IL7: variants seen among roughly 807,000 people sequenced by gnomAD.
The protein encoded by IL7 is interleukin 7, also known as interleukin-7.
In IL7, 3 loss-of-function variants were observed where a neutral mutation model predicts 21.6. The observed-to-expected ratio is 0.14, with a 90% CI of 0.06 to 0.36. IL7 has a LOEUF of 0.36. Ranked by LOEUF, IL7 falls within the 10% of genes least tolerant of loss-of-function variation. The pLI, the probability that IL7 is intolerant of heterozygous loss-of-function variation, is 1.00. For missense variants in IL7, 175 were observed against 200.2 expected, an observed-to-expected ratio of 0.87 and a Z score of 0.76; for synonymous variants, 62 against 68.1, an observed-to-expected ratio of 0.91 and a Z score of 0.44.
chr8:78,675,729 G>A (rs1809556995), downstream of IL7: 2 of 1,424,258 alleles, frequency 1.4e-6, no homozygotes, highest in East Asian at 4.7e-5. Context: ...ACATTAAAAT[G>A]TGAAGTTTCA....
intron 3 of IL7, among the ~76,000 whole-genome samples, chr8:78,726,254 C>A (rs879725911): frequency 6.6e-6 from 1 of 151,848 alleles, no homozygotes; most frequent in Admixed American, 6.6e-5. Flanking sequence ...TTTCCTTTAA[C>A]ATTTAGTGCT....
chr8:78,774,498 G>A (rs966389120), intron 2 of IL7, among the ~76,000 whole-genome samples: 1 of 151,960 alleles, frequency 6.6e-6, no homozygotes, highest in Non-Finnish European at 1.5e-5. Context: ...ATTAATAAAA[G>A]CTCTGCATCT....
At chr8:78,704,009 C>G (rs1810689343) in intron 3 of IL7, among the ~76,000 whole-genome samples, 1 of 152,112 alleles carries the variant, frequency 6.6e-6, no homozygotes, top group African/African-American at 2.4e-5. Context: ...ATTTGCTGGT[C>G]TGAAAAAGGT....
At chr8:78,769,706 A>T (rs1475111854) in intron 2 of IL7, among the ~76,000 whole-genome samples, 2 of 152,162 alleles carry the variant, frequency 1.3e-5, no homozygotes, top group Non-Finnish European at 2.9e-5. Context: ...TATGGAACCA[A>T]AAAAGAGCCC....
At chr8:78,721,853 T>C (rs776618062) in intron 3 of IL7, among the ~76,000 whole-genome samples, 15 of 151,998 alleles carry the variant, frequency 9.9e-5, no homozygotes, top group Non-Finnish European at 1.8e-4. Flanking sequence ...ATCTGAAGTA[T>C]AGGAAAATAT....
intron 4 of IL7, among the ~76,000 whole-genome samples, chr8:78,676,669 A>G (rs766138714): frequency 2.4e-4 from 37 of 152,148 alleles, no homozygotes; most frequent in Admixed American, 1.6e-3. Flanking sequence ...TGAGGAATTA[A>G]TGATCCAAAG....
chr8:78,764,810 T>G (rs943153211), intron 2 of IL7, among the ~76,000 whole-genome samples: 1 of 152,100 alleles, frequency 6.6e-6, no homozygotes, highest in African/African-American at 2.4e-5. Flanking sequence ...GAAGTTATTT[T>G]GTAGAAATTG....
chr8:78,760,246 C>T (rs1812504390), intron 2 of IL7: 3 of 1,604,964 alleles, frequency 1.9e-6, no homozygotes, highest in Admixed American at 1.7e-5. Flanking sequence ...TGTTTTATAT[C>T]AAAATTTATG....
chr8:78,762,444 G>T (rs1586080293), intron 2 of IL7: 6 of 1,575,346 alleles, frequency 3.8e-6, no homozygotes, highest in Middle Eastern at 2.3e-4. Flanking sequence ...TCGCCCGCCC[G>T]CCGGCCGGTC....
intron 3 of IL7, among the ~76,000 whole-genome samples, chr8:78,692,151 T>C (rs1170436678): frequency 1.3e-5 from 2 of 152,164 alleles, no homozygotes; most frequent in Non-Finnish European, 2.9e-5. Context: ...CAACAAAAAC[T>C]TACCCCTTTG....
chr8:78,691,038 A>G (rs1275208563), intron 3 of IL7, among the ~76,000 whole-genome samples: 1 of 151,926 alleles, frequency 6.6e-6, no homozygotes, highest in East Asian at 1.9e-4. Flanking sequence ...GGACAGTTTT[A>G]TTTTCTTCCC....
intron 3 of IL7, among the ~76,000 whole-genome samples, chr8:78,705,837 T>C (rs1000547311): frequency 4.6e-5 from 7 of 151,988 alleles, no homozygotes; most frequent in African/African-American, 1.7e-4. Flanking sequence ...TATTGGGGAC[T>C]TACTTAAAGA....
At chr8:78,675,621 A>G (rs1809555057), downstream of IL7, 70 of 582,950 alleles carry the variant, frequency 1.2e-4, 4 homozygotes, top group South Asian at 1.7e-3. Context: ...CTGATAACTA[A>G]GTATTATGCT....
chr8:78,786,276 T>C (rs1813507038), intron 2 of IL7, among the ~76,000 whole-genome samples: 1 of 152,200 alleles, frequency 6.6e-6, no homozygotes, highest in Admixed American at 6.5e-5. Flanking sequence ...TAGCATGCAC[T>C]AAATAGATAA....
At chr8:78,726,066 A>T (rs931759517) in intron 3 of IL7, among the ~76,000 whole-genome samples, 42 of 151,950 alleles carry the variant, frequency 2.8e-4, no homozygotes, top group African/African-American at 9.9e-4. Context: ...TGCTATGGAG[A>T]AAAAGCATGG....
chr8:78,780,245 A>T, intron 2 of IL7, among the ~76,000 whole-genome samples: 2 of 150,440 alleles, frequency 1.3e-5, no homozygotes, highest in East Asian at 2.0e-4. Flanking sequence ...TTCTTTTCTG[A>T]TCTTGGTTAT....
downstream of IL7, among the ~76,000 whole-genome samples, chr8:78,728,199 T>TC (rs1269323007): frequency 6.6e-6 from 1 of 152,094 alleles, no homozygotes; most frequent in East Asian, 1.9e-4. Context: ...TGCCATTTCT[T>TC]CCCCAGTTTA....
intron 3 of IL7, among the ~76,000 whole-genome samples, chr8:78,700,992 T>C (rs887490968): frequency 1.3e-5 from 2 of 152,182 alleles, no homozygotes; most frequent in Admixed American, 6.6e-5. Context: ...TTTTATTCTA[T>C]ATTAATGTTG....
chr8:78,743,637 T>C (rs1811875331), intron 2 of IL7, among the ~76,000 whole-genome samples: 1 of 152,180 alleles, frequency 6.6e-6, no homozygotes, highest in African/African-American at 2.4e-5. Context: ...ATTAAGTACT[T>C]CTCTATACTG....
Sources: allele counts gnomAD v4.1 joint callset (sites outside exome capture counted in the v4.1 genomes callset), GRCh38; gene constraint gnomAD v4.1.1; transcripts MANE v1.5; gene names NCBI Gene and HGNC (gene_info 2026-07-23, HGNC 2026-07-21).